Variants in MORC2 observed in about 807,000 individuals in gnomAD.
MORC2 encodes MORC family CW-type zinc finger 2.
Under a neutral mutation model 136.0 loss-of-function variants are expected in MORC2, and 30 were observed. The observed-to-expected ratio is 0.22, with a 90% CI of 0.17 to 0.30. The LOEUF is 0.30. Among genes scored for constraint, MORC2 ranks in the 10% least tolerant of loss-of-function variants. The pLI is 1.00. For missense variants in MORC2, 922 were observed against 1,333.1 expected (o/e 0.69, Z 4.80); for synonymous variants, 439 against 487.0 (o/e 0.90, Z 1.30).
intron 4 of MORC2, 90 bp from the exon 5 acceptor site, chr22:30,949,932 G>T: frequency 8.5e-7 from 1 of 1,181,532 alleles, no homozygotes; most frequent in Non-Finnish European, 1.2e-6. Context: ...TTAAATCCAA[G>T]CAGGGGTGTG....
chr22:30,940,061 A>G lies in MORC2; in HGVS notation c.905-20T>C, dbSNP rs2040719201. Reference sequence around the variant, plus strand: ...CTTCAGCTGAAACCCAGAAGAGAACATGGTAAGAAATGCAAAGGTTCAAAA... The same window carrying G: ...CTTCAGCTGAAACCCAGAAGAGAACGTGGTAAGAAATGCAAAGGTTCAAAA... On this transcript the variant is annotated intron_variant, in intron 10 of 25. Coordinates refer to ENST00000397641, the MANE Select transcript of MORC2 (RefSeq NM_001303256.3). 6.2e-7 allele frequency: 1 copy of G among 1,610,578 alleles called. No homozygotes were observed. Among genetic ancestry groups the G allele is most frequent in the East Asian group, 2.2e-5 (1 of 44,872 alleles).
At chr22:30,935,372 G>C in intron 17 of MORC2, 50 bp from the exon 18 acceptor site, 2 of 1,567,348 alleles carry the variant, frequency 1.3e-6, no homozygotes, top group Non-Finnish European at 1.7e-6. Context: ...TAGTATACTT[G>C]AGCAAACTTT....
chr22:30,937,046 AG>A lies in MORC2; in HGVS notation c.1499-10del, dbSNP rs2040664252. 6.2e-7 allele frequency: 1 copy of A among 1,606,304 alleles called. No homozygotes were observed. The highest frequency in any genetic ancestry group is 8.5e-7 in the Non-Finnish European group (1 of 1,173,104). On this transcript the variant is annotated splice_polypyrimidine_tract_variant and intron_variant, in intron 15 of 25. Coordinates refer to ENST00000397641, the MANE Select transcript of MORC2 (RefSeq NM_001303256.3). The surrounding 1 kb of genome is among the most constrained non-coding windows in gnomAD (Gnocchi z 4.7). The stretch of plus-strand genomic sequence containing the variant: ...CCATTTCAGACACAAATCTGCAGAG[AG>A]CAAAAAAACCCCACATATCAGCCAC...
chr22:30,929,817 T>A (rs2040546447), intron 24 of MORC2: 1 of 152,130 alleles, frequency 6.6e-6, no homozygotes, highest in African/African-American at 2.4e-5. Context: ...ACAAAGGTGA[T>A]ACACTGGTAT....
At chr22:30,954,217 C>T (rs1177566995) in intron 3 of MORC2, among the ~76,000 whole-genome samples, 1 of 151,998 alleles carries the variant, frequency 6.6e-6, no homozygotes, top group Non-Finnish European at 1.5e-5. Context: ...ATCACTTGAG[C>T]CCGAGAGGTG....
rs2041028197 is a variant in MORC2, at chr22:30,960,534, G to A, written c.69-1840C>T. 3.9e-5 allele frequency among the ~76,000 whole-genome samples: 6 copies of A among 152,106 alleles called. No individual in the cohort carries two copies. The South Asian group carries it at 1.2e-3, about 32-fold the overall frequency. ...CGGAGTTTTTCCTCTTGTTGCCCAG[G>A]CTGGAGTGCAATGGCGCAATCTCCG... On this transcript the variant is annotated intron_variant, in intron 1 of 25. Coordinates refer to ENST00000397641, the MANE Select transcript of MORC2 (RefSeq NM_001303256.3).
intron 11 of MORC2, 112 bp from the exon 12 acceptor site, chr22:30,939,818 C>G (rs917422408): frequency 5.9e-6 from 8 of 1,349,398 alleles, no homozygotes; most frequent in Non-Finnish European, 8.1e-6. Context: ...AAAACCACAC[C>G]TGGAAATTTA....
chr22:30,959,504 C>T (rs145386585), intron 1 of MORC2, among the ~76,000 whole-genome samples: 80 of 152,278 alleles, frequency 5.3e-4, no homozygotes, highest in South Asian at 1.5e-3. Flanking sequence ...TGGTAGATGA[C>T]GCACAAGTAT....
Position 30,956,776 on chromosome 22 carries a change from T to C in MORC2, c.144A>G (p.Ile48Met). Residue 48 changes from isoleucine (I) to methionine (M), a missense_variant, in exon 3 of 26, where the codon ATA (isoleucine) becomes ATG (methionine). Physicochemically the swap from Ile to Met is conservative, Grantham distance 10. Around this residue, in one of 9 missense-constraint regions of MORC2, gnomAD observed 57 missense variants for 71.8 expected, o/e 0.79. Coordinates refer to ENST00000397641, the MANE Select transcript of MORC2 (RefSeq NM_001303256.3). ...AGCCTGACTTACCTGCATAAATATC[T>C]ATTCTGGTGGCATCAGCATCTCTGC... ...DNARDADATR[I>M]DIYAERREDL... is the part of the protein sequence containing the mutation. The C allele has an allele frequency of 6.5e-7, 1 of 1,546,178 alleles. No homozygotes were observed. The highest frequency in any genetic ancestry group is 1.2e-5 in the South Asian group (1 of 83,676).
In MORC2 at chr22:30,937,556, T is replaced by C. The variant is rs771794865; in HGVS notation, c.1498+27A>G. 4.4e-6 allele frequency: 7 copies of C among 1,607,698 alleles called. No homozygotes were observed. Among genetic ancestry groups the C allele is most frequent in the Non-Finnish European group, 5.9e-6 (7 of 1,177,874 alleles). ...AGGCTTGTGGGCTGATGGAAATGAG[T>C]CGGGGGGGTCCAACCACCCAACTCA... On this transcript the variant is annotated intron_variant, in intron 15 of 25. Coordinates refer to ENST00000397641, the MANE Select transcript of MORC2 (RefSeq NM_001303256.3). The surrounding 1 kb of genome is among the most constrained non-coding windows in gnomAD (Gnocchi z 4.7).
rs2040659106 is a variant in MORC2 at position 30,936,776 on chromosome 22, C to T, written c.1605-133G>A. On this transcript the variant is annotated intron_variant, in intron 16 of 25. Transcript: ENST00000397641. ...AGAGTTCCCAATGCACAGAATTAATCTTATACACTGCAGGACATACATCTA... is the reference window on the plus strand; with the variant it reads ...AGAGTTCCCAATGCACAGAATTAATTTTATACACTGCAGGACATACATCTA... The T allele has an allele frequency of 1.3e-5, 17 of 1,325,092 alleles. No individual in the cohort carries two copies. In the South Asian group the frequency reaches 2.1e-4, roughly 17 times the overall value. The allele number at this position is 1,325,092 out of a possible 1,614,324, so 82.1% of individuals were successfully genotyped here.
chr22:30,967,270 A>C (rs772495395), intron 1 of MORC2: 3 of 986,744 alleles, frequency 3.0e-6, no homozygotes, highest in African/African-American at 1.7e-5. Context: ...CTAAATAGAG[A>C]TATAAACAAG....
In MORC2 at chr22:30,936,966, C is replaced by T; in HGVS notation, c.1570G>A (p.Val524Ile). The change falls in exon 16 of 26, where the codon GTT becomes ATT. Residue 524 changes from valine (V) to isoleucine (I), a missense_variant. Around this residue, in one of 9 missense-constraint regions of MORC2, gnomAD observed 119 missense variants for 202.7 expected, o/e 0.59. Coordinates refer to ENST00000397641, the MANE Select transcript of MORC2 (RefSeq NM_001303256.3). The stretch of plus-strand genomic sequence containing the variant: ...TCAGGATCAGGGTTCATGGAGCAAA[C>T]CCAGGTGTCAGGGTAATCTTTTTCC... ...SVEKDYPDTW[V>I]CSMNPDPEQD... 3 of 1,614,110 alleles carry T rather than the reference C, an allele frequency of 1.9e-6. No individual in the cohort carries two copies. The highest frequency in any genetic ancestry group is 2.5e-6 in the Non-Finnish European group (3 of 1,180,016).
At chr22:30,927,712 T>C (rs2040509375) in intron 25 of MORC2, among the ~76,000 whole-genome samples, 1 of 152,246 alleles carries the variant, frequency 6.6e-6, no homozygotes, top group Admixed American at 6.5e-5. Context: ...TCCCCACTTC[T>C]GGGCTACCCA....
chr22:30,939,990 C>G lies in MORC2; in HGVS notation c.956G>C (p.Arg319Pro). ...AESKARTLEV[R>P]LGGDLTRDSR... is the part of the protein sequence containing the mutation. ...GTCCCGCGTGAGGTCTCCACCTAGG[C>G]GTACTTCTAATGTCCGAGCTTTGCT... is the stretch of plus-strand genomic sequence containing the variant. The change falls in exon 11 of 26, where the codon CGC (arginine) becomes CCC (proline). Residue 319 changes from arginine to proline, a missense_variant. Arg to Pro is a moderately radical substitution (Grantham distance 103). Coordinates refer to ENST00000397641, the MANE Select transcript of MORC2 (RefSeq NM_001303256.3). The G allele has an allele frequency of 6.2e-7, 1 of 1,614,028 alleles. No individual in the cohort carries two copies.
chr22:30,959,598 T>C (rs2041014500), intron 1 of MORC2, among the ~76,000 whole-genome samples: 1 of 152,116 alleles, frequency 6.6e-6, no homozygotes, highest in Non-Finnish European at 1.5e-5. Context: ...ACAATAGTCC[T>C]CATGAGATAT....
At chr22:30,953,172 T>C (rs898238048) in intron 3 of MORC2, among the ~76,000 whole-genome samples, 2 of 152,214 alleles carry the variant, frequency 1.3e-5, no homozygotes, top group Admixed American at 6.5e-5. Context: ...TATCACCTGA[T>C]ATTTAATCAG....
intron 5 of MORC2, among the ~76,000 whole-genome samples, chr22:30,948,914 C>T (rs1487003316): frequency 1.3e-5 from 2 of 152,276 alleles, no homozygotes; most frequent in East Asian, 1.9e-4. Context: ...CTGATTTCTT[C>T]GGAAGTACTC....
intron 16 of MORC2, 46 bp from the exon 17 acceptor site, chr22:30,936,689 A>C: frequency 6.3e-7 from 1 of 1,599,578 alleles, no homozygotes; most frequent in East Asian, 2.2e-5. Flanking sequence ...CAGAGCGCCA[A>C]GCTCGGCAAG....
Sources: gnomAD v4.1 joint callset for allele counts (sites outside exome capture counted in the v4.1 genomes callset) on GRCh38, gnomAD v4.1.1 for gene constraint, gnomAD v4.1.1 regional missense constraint, Gnocchi (gnomAD v3.1) non-coding constraint, MANE v1.5 for transcripts, NCBI Gene and HGNC (gene_info 2026-07-23, HGNC 2026-07-21) for gene names.